Variants in KATNAL2 observed in about 807,000 individuals in gnomAD.
KATNAL2 encodes the protein katanin p60 ATPase-containing subunit A-like 2.
Under a neutral mutation model 76.3 loss-of-function variants are expected in KATNAL2, and 52 were observed. That is an observed-to-expected ratio of 0.68 (90% CI 0.55 to 0.86). The LOEUF (loss-of-function observed/expected upper bound fraction) is 0.86, where lower values mean the gene tolerates loss of function less well. Ranked by LOEUF, KATNAL2 falls within the 40% of genes least tolerant of loss-of-function variation. KATNAL2 has a pLI of 0.00. For missense variants in KATNAL2, 660 were observed against 668.9 expected, an observed-to-expected ratio of 0.99 and a Z score of 0.15; for synonymous variants, 243 against 244.2, an observed-to-expected ratio of 1.00 and a Z score of 0.05.
chr18:46,955,170 C>CTTTCTTTCTT, intron 3 of KATNAL2, among the ~76,000 whole-genome samples: 1 of 133,648 alleles, frequency 7.5e-6, no homozygotes, highest in Non-Finnish European at 1.6e-5. Flanking sequence ...TTCTTTCTTT[C>CTTTCTTTCTT]TTTCTTTCTT....
chr18:47,031,012 T>TC lies in KATNAL2; in HGVS notation c.52-15430dup, dbSNP rs372151610. On this transcript the variant is annotated intron_variant, in intron 3 of 17. Transcript: ENST00000683218. ...CAACCAGCAGAATCCCTCTAGCATC[T>TC]CCCCCCCCCCCCCCCGCCCCCAACG... Among the ~76,000 whole-genome samples, 9 of 6,628 alleles carry TC rather than the reference T, an allele frequency of 1.4e-3. No homozygotes were observed. In the East Asian group the frequency reaches 0.025, roughly 18 times the overall value. 4.3% of individuals were successfully genotyped at this position (6,628 alleles called of 152,430 possible). A position where few individuals can be genotyped will look rare whatever the true frequency, so the allele number is the denominator to read the frequency against.
At chr18:46,942,646 T>C (rs1305546811) in intron 1 of KATNAL2, among the ~76,000 whole-genome samples, 4 of 152,012 alleles carry the variant, frequency 2.6e-5, no homozygotes, top group Non-Finnish European at 1.5e-5. Flanking sequence ...AAAAGTTCAT[T>C]TTGTTCTATT....
rs2063430218 is a variant in KATNAL2, at chr18:47,100,980, G to A, written c.1592G>A (p.Trp531Ter). 2 of 1,613,982 alleles carry A rather than the reference G, an allele frequency of 1.2e-6. No individual in the cohort carries two copies. The highest frequency in any genetic ancestry group is 2.2e-5 in the East Asian group (1 of 44,862). ...AATCTGGCTCAGAGATACTCAGACT[G>A]GCAAAGAGAGTTCGAGTCTGTCTGA... ...AKNLAQRYSD[W>*]QREFESV The change falls in exon 18 of 18, where the codon TGG becomes TAG. Residue 531 changes from tryptophan to a stop codon, truncating the protein, a stop_gained. Transcript: ENST00000683218. LOFTEE classifies it high-confidence loss of function.
At chr18:47,034,572 G>A (rs758500076) in intron 3 of KATNAL2, 1 of 1,614,192 alleles carries the variant, frequency 6.2e-7, no homozygotes, top group African/African-American at 1.3e-5. Context: ...GTTTTTCCTG[G>A]CGAGACGATT....
chr18:47,051,342 G>A (rs1456031300), intron 4 of KATNAL2, among the ~76,000 whole-genome samples: 3 of 151,854 alleles, frequency 2.0e-5, no homozygotes, highest in African/African-American at 7.3e-5. Context: ...GAGGTGGGAG[G>A]ATTGTTTGAG....
chr18:46,931,139 T>TAATAATAAAAA (rs1555824545), intron 1 of KATNAL2, among the ~76,000 whole-genome samples: 1 of 122,780 alleles, frequency 8.1e-6, no homozygotes, highest in Non-Finnish European at 1.7e-5. Flanking sequence ...ATAATAATAA[T>TAATAATAAAAA]AAATAAATAA....
At chr18:47,100,011 G>A (rs2063400385) in intron 16 of KATNAL2, among the ~76,000 whole-genome samples, 1 of 152,078 alleles carries the variant, frequency 6.6e-6, no homozygotes, top group African/African-American at 2.4e-5. Flanking sequence ...ATCCTTCACT[G>A]GCATCTTACA....
intron 3 of KATNAL2, among the ~76,000 whole-genome samples, chr18:46,952,144 C>T (rs1195320561): frequency 6.6e-6 from 1 of 151,596 alleles, no homozygotes; most frequent in East Asian, 2.0e-4. Flanking sequence ...CATGATTTAG[C>T]TCATTGCAGC....
At chr18:47,066,979 GA>G in intron 10 of KATNAL2, 41 bp from the exon 11 acceptor site, 3 of 1,183,220 alleles carry the variant, frequency 2.5e-6, no homozygotes, top group Non-Finnish European at 3.7e-6. Context: ...AGCTGTAGAG[GA>G]AAACATCAGT....
chr18:47,039,561 C>T (rs994423869), intron 3 of KATNAL2, among the ~76,000 whole-genome samples: 8 of 152,256 alleles, frequency 5.3e-5, no homozygotes, highest in Admixed American at 5.2e-4. Flanking sequence ...CATGTCTGTG[C>T]ACACATGGAG....
In KATNAL2 at chr18:47,069,599, G is replaced by A. The variant is rs200386880; in HGVS notation, c.1007G>A (p.Arg336Gln). ...KWRGDSEKLV[R>Q]VLFELARYHA... ...AGAGGGGATTCAGAAAAACTCGTTC[G>A]GGTAGGAATTCTTAATTTTGTTTTT... The change falls in exon 13 of 18, where the codon CGG (arginine) becomes CAG (glutamine). Residue 336 changes from arginine to glutamine, a missense_variant and splice_region_variant. Arg to Gln is a conservative substitution (Grantham distance 43). Coordinates refer to ENST00000683218, the MANE Select transcript of KATNAL2 (RefSeq NM_001387690.1). 34 of 1,597,446 alleles carry A rather than the reference G, an allele frequency of 2.1e-5. No homozygotes were observed. Among genetic ancestry groups the A allele is most frequent in the African/African-American group, 1.6e-4 (12 of 74,296 alleles).
intron 15 of KATNAL2, among the ~76,000 whole-genome samples, chr18:47,087,630 G>A (rs1479549497): frequency 3.3e-5 from 5 of 152,020 alleles, no homozygotes; most frequent in African/African-American, 1.2e-4. Flanking sequence ...GAAATAATCT[G>A]TACAACAAAC....
At chr18:46,960,166 G>C (rs569338986) in intron 3 of KATNAL2, among the ~76,000 whole-genome samples, 1 of 152,322 alleles carries the variant, frequency 6.6e-6, no homozygotes, top group Non-Finnish European at 1.5e-5. Flanking sequence ...GCTGGGCACT[G>C]TGGCTCATGC....
intron 15 of KATNAL2, among the ~76,000 whole-genome samples, chr18:47,085,799 TAAATA>T (rs2062745576): frequency 6.6e-6 from 1 of 152,096 alleles, no homozygotes; most frequent in African/African-American, 2.4e-5. Context: ...AATAAATAAA[TAAATA>T]AAAGATACTA....
chr18:47,043,202 C>G (rs991242786), intron 3 of KATNAL2, among the ~76,000 whole-genome samples: 10 of 114,996 alleles, frequency 8.7e-5, no homozygotes, highest in Admixed American at 3.2e-4. Flanking sequence ...ACTCCAGCCC[C>G]GGCGACAGAG....
At chr18:47,034,041 T>C in intron 3 of KATNAL2, 4 of 1,614,220 alleles carry the variant, frequency 2.5e-6, no homozygotes, top group Non-Finnish European at 3.4e-6. Context: ...TTTGTTTATC[T>C]CCAAGTGCAG....
intron 3 of KATNAL2, among the ~76,000 whole-genome samples, chr18:47,036,827 A>G (rs112917651): frequency 0.015 from 2,304 of 152,326 alleles, 46 homozygotes; most frequent in African/African-American, 0.048. Context: ...ATTAAATTCA[A>G]TAAATGTCTT....
chr18:47,036,530 T>C (rs944963083), intron 3 of KATNAL2, among the ~76,000 whole-genome samples: 25 of 152,374 alleles, frequency 1.6e-4, no homozygotes, highest in Admixed American at 1.6e-3. Flanking sequence ...CTATCCAGTG[T>C]AGCCATGTTT....
intron 3 of KATNAL2, among the ~76,000 whole-genome samples, chr18:47,031,753 G>C (rs565120144): frequency 5.6e-4 from 85 of 152,220 alleles, no homozygotes; most frequent in African/African-American, 2.0e-3. Flanking sequence ...TGCTGAGGTA[G>C]GGCCTTGAGC....
Sources: gnomAD v4.1 joint callset for allele counts (sites outside exome capture counted in the v4.1 genomes callset) on GRCh38, gnomAD v4.1.1 for gene constraint, MANE v1.5 for transcripts, NCBI Gene and HGNC (gene_info 2026-07-23, HGNC 2026-07-21) for gene names.